OR10A2: variants seen among roughly 807,000 people sequenced by gnomAD.
OR10A2 encodes the protein olfactory receptor family 10 subfamily A member 2.
In OR10A2, 15 loss-of-function variants were observed where a neutral mutation model predicts 13.7. The observed-to-expected ratio is 1.10, with a 90% CI of 0.73 to 1.69. OR10A2 has a LOEUF of 1.69. Among genes scored for constraint, OR10A2 ranks in the 40% most tolerant of loss-of-function variants. The pLI, the probability that OR10A2 is intolerant of heterozygous loss-of-function variation, is 0.00. For synonymous variants in OR10A2, 145 were observed against 144.7 expected (o/e 1.00, Z -0.02); for missense variants, 343 against 361.1 (o/e 0.95, Z 0.41).
chr11:6,870,673 G>A lies in OR10A2; in HGVS notation c.*7G>A. On this transcript the variant is annotated 3_prime_UTR_variant, in exon 2 of 2. Transcript: ENST00000641461. ...CAGAAACTGTATCCCATAGACCTTA[G>A]GAAGTAAGGCTACATTTTACTGGAT... 1 of 1,533,374 alleles carries A rather than the reference G, an allele frequency of 6.5e-7. No homozygotes were observed. Among genetic ancestry groups the A allele is most frequent in the South Asian group, 1.3e-5 (1 of 77,256 alleles). The allele number at this position is 1,533,374 out of a possible 1,614,324, so 95.0% of individuals were successfully genotyped here.
rs2595457 is a variant in OR10A2 at position 6,863,146 on chromosome 11, T to C, written c.-338T>C. 2 of 151,980 alleles carry C rather than the reference T, an allele frequency of 1.3e-5. No homozygotes were observed. The highest frequency in any genetic ancestry group is 2.1e-4 in the South Asian group (1 of 4,824). The allele number at this position is 151,980 out of a possible 1,614,324, so 9.4% of individuals were successfully genotyped here. On this transcript the variant is annotated 5_prime_UTR_variant, in exon 1 of 2. Transcript: ENST00000641461. ...TGGCCAAACTTCATAGTGAGCTTAC[T>C]TGCCTCTGACACACAAGGCAGCAGT...
Position 6,874,475 on chromosome 11 carries a change from C to T in OR10A2, c.*3809C>T, listed in dbSNP as rs77630132. ...TAGAAATTGTGTTGCTTTGTTCTTA[C>T]TACCACCCTGTACTGGATACTGGCT... On this transcript the variant is annotated 3_prime_UTR_variant, in exon 2 of 2. Coordinates refer to ENST00000641461, the MANE Select transcript of OR10A2 (RefSeq NM_001004460.2). 2.6e-5 allele frequency: 4 copies of T among 151,838 alleles called. No homozygotes were observed. The highest frequency in any genetic ancestry group is 9.7e-5 in the African/African-American group (4 of 41,358). 9.4% of individuals were successfully genotyped at this position (151,838 alleles called of 1,614,324 possible).
At chr11:6,863,664 C>T (rs1848359234) in intron 1 of OR10A2, among the ~76,000 whole-genome samples, 1 of 152,130 alleles carries the variant, frequency 6.6e-6, no homozygotes, top group Non-Finnish European at 1.5e-5. Flanking sequence ...AGGACATATA[C>T]CCCCTTCAGG....
chr11:6,869,629 C>T lies in OR10A2; in HGVS notation c.-126C>T, dbSNP rs1239285303. 8.0e-6 allele frequency: 7 copies of T among 871,740 alleles called. No homozygotes were observed. The highest frequency in any genetic ancestry group is 2.1e-5 in the Admixed American group (1 of 47,108). The allele number at this position is 871,740 out of a possible 1,614,324, so 54.0% of individuals were successfully genotyped here. On this transcript the variant is annotated 5_prime_UTR_variant, in exon 2 of 2. In the 5' UTR this introduces an upstream ATG that the reference lacks. Transcript: ENST00000641461. The stretch of plus-strand genomic sequence containing the variant: ...TTGCCTCTTTCCCTGACAGTAAGAA[C>T]GAGTCTGAAAAACAAATTGAGAATC...
rs1384754374 is a variant in OR10A2 at position 6,872,280 on chromosome 11, T to C, written c.*1614T>C. 6.6e-6 allele frequency: 1 copy of C among 152,202 alleles called. No individual in the cohort carries two copies. The highest frequency in any genetic ancestry group is 6.5e-5 in the Admixed American group (1 of 15,278). The allele number at this position is 152,202 out of a possible 1,614,324, so 9.4% of individuals were successfully genotyped here. A position where few individuals can be genotyped will look rare whatever the true frequency, so the allele number is the denominator to read the frequency against. ...TTCACTTTTATTTTAGCCAAATCTA[T>C]CCCATCTCTCAAGACCCCACTGTGA... On this transcript the variant is annotated 3_prime_UTR_variant, in exon 2 of 2. Transcript: ENST00000641461.
At chr11:6,863,660 T>G (rs1848359200) in intron 1 of OR10A2, among the ~76,000 whole-genome samples, 1 of 152,120 alleles carries the variant, frequency 6.6e-6, no homozygotes, top group Non-Finnish European at 1.5e-5. Context: ...TCACAGGACA[T>G]ATACCCCCTT....
intron 1 of OR10A2, among the ~76,000 whole-genome samples, chr11:6,864,535 T>C (rs868346945): frequency 2.6e-5 from 4 of 152,152 alleles, no homozygotes; most frequent in African/African-American, 9.7e-5. Flanking sequence ...AGTAGAAATA[T>C]CTGAATAATT....
rs1848353779 is a variant in OR10A2, at chr11:6,863,200, G to C, written c.-284G>C. The C allele has an allele frequency of 6.6e-6, 1 of 152,140 alleles. No homozygotes were observed. Among genetic ancestry groups the C allele is most frequent in the Non-Finnish European group, 1.5e-5 (1 of 68,038 alleles). 9.4% of individuals were successfully genotyped at this position (152,140 alleles called of 1,614,324 possible). ...CTGGCTACAGCTCCAGCCATTAATA[G>C]CTCAGCCAGGACAGGGAATAAGACT... On this transcript the variant is annotated 5_prime_UTR_variant, in exon 1 of 2. Coordinates refer to ENST00000641461, the MANE Select transcript of OR10A2 (RefSeq NM_001004460.2).
In OR10A2 at chr11:6,872,745, C is replaced by G. The variant is rs1416504087; in HGVS notation, c.*2079C>G. ...TCAAGCAATCCTTCTGCCTGAACCT[C>G]TCAAAGTGCTGGGATTATAAGTGTG... On this transcript the variant is annotated 3_prime_UTR_variant, in exon 2 of 2. Transcript: ENST00000641461. 6.6e-6 allele frequency: 1 copy of G among 152,126 alleles called. No individual in the cohort carries two copies. Among genetic ancestry groups the G allele is most frequent in the Non-Finnish European group, 1.5e-5 (1 of 68,062 alleles). 9.4% of individuals were successfully genotyped at this position (152,126 alleles called of 1,614,324 possible).
At position 6,871,701 on chromosome 11, in the gene OR10A2, G is replaced by C. The variant is rs1315566145; in HGVS notation, c.*1035G>C. The C allele has an allele frequency of 6.6e-5, 10 of 152,108 alleles. No homozygotes were observed. The highest frequency in any genetic ancestry group is 6.6e-4 in the Admixed American group (10 of 15,256). 9.4% of individuals were successfully genotyped at this position (152,108 alleles called of 1,614,324 possible). A position where few individuals can be genotyped will look rare whatever the true frequency, so the allele number is the denominator to read the frequency against. On this transcript the variant is annotated 3_prime_UTR_variant, in exon 2 of 2. Transcript: ENST00000641461. ...ATAGCTTTGCTTTGATGAGAACAAAGCTCCAGAATAAGTCTTCTTTAACCA... is the reference window on the plus strand; with the variant it reads ...ATAGCTTTGCTTTGATGAGAACAAACCTCCAGAATAAGTCTTCTTTAACCA...
chr11:6,870,621 C>T lies in OR10A2; in HGVS notation c.867C>T (p.Ser289=). 1 of 1,610,108 alleles carries T rather than the reference C, an allele frequency of 6.2e-7. No homozygotes were observed. The highest frequency in any genetic ancestry group is 8.5e-7 in the Non-Finnish European group (1 of 1,178,034). The change falls in exon 2 of 2, where the codon AGC becomes AGT. Residue 289 remains serine, a synonymous_variant. Transcript: ENST00000641461. ...ATAACGAGGTGAAGAATGCCCTCAGCAGGACGGTCTCTAAGGCCCTAGCCC... is the reference window on the plus strand; with the variant it reads ...ATAACGAGGTGAAGAATGCCCTCAGTAGGACGGTCTCTAAGGCCCTAGCCC... ...LRNNEVKNAL[S]RTVSKALALR... is the part of the protein sequence containing the mutation.
intron 1 of OR10A2, among the ~76,000 whole-genome samples, chr11:6,867,871 T>A (rs1430374863): frequency 1.3e-5 from 2 of 152,146 alleles, no homozygotes. Flanking sequence ...CACCTCAGCC[T>A]CCTGAGTAGC....
At chr11:6,864,465 T>C (rs1444037380) in intron 1 of OR10A2, among the ~76,000 whole-genome samples, 1 of 151,854 alleles carries the variant, frequency 6.6e-6, no homozygotes, top group African/African-American at 2.4e-5. Context: ...CTTCTTCTTA[T>C]AAAGATGACT....
At chr11:6,868,637 T>C (rs1444100327) in intron 1 of OR10A2, among the ~76,000 whole-genome samples, 7 of 151,976 alleles carry the variant, frequency 4.6e-5, no homozygotes, top group African/African-American at 1.7e-4. Flanking sequence ...TCAGTTCTGG[T>C]TTTTACTGTT....
In OR10A2 at chr11:6,872,420, A is replaced by G. The variant is rs1248409089; in HGVS notation, c.*1754A>G. 6.6e-6 allele frequency: 1 copy of G among 152,206 alleles called. No homozygotes were observed. The highest frequency in any genetic ancestry group is 1.5e-5 in the Non-Finnish European group (1 of 68,038). 9.4% of individuals were successfully genotyped at this position (152,206 alleles called of 1,614,324 possible). ...AAACTGTACATGTACTTATTTTTAC[A>G]TGTTTGTCTTCCTCCAACTTTTCTG... is the stretch of plus-strand genomic sequence containing the variant. On this transcript the variant is annotated 3_prime_UTR_variant, in exon 2 of 2. Coordinates refer to ENST00000641461, the MANE Select transcript of OR10A2 (RefSeq NM_001004460.2).
At chr11:6,864,440 G>T (rs1848364643) in intron 1 of OR10A2, among the ~76,000 whole-genome samples, 1 of 150,236 alleles carries the variant, frequency 6.7e-6, no homozygotes, top group East Asian at 1.9e-4. Context: ...TAGCTTACTT[G>T]GTAAAAACAC....
At position 6,873,578 on chromosome 11, in the gene OR10A2, G is replaced by C. The variant is rs1169742391; in HGVS notation, c.*2912G>C. 1.3e-5 allele frequency: 2 copies of C among 152,200 alleles called. No individual in the cohort carries two copies. The highest frequency in any genetic ancestry group is 4.8e-5 in the African/African-American group (2 of 41,458). The allele number at this position is 152,200 out of a possible 1,614,324, so 9.4% of individuals were successfully genotyped here. A position where few individuals can be genotyped will look rare whatever the true frequency, so the allele number is the denominator to read the frequency against. On this transcript the variant is annotated 3_prime_UTR_variant, in exon 2 of 2. Coordinates refer to ENST00000641461, the MANE Select transcript of OR10A2 (RefSeq NM_001004460.2). ...AAACACAGGAGTGCTGAGAGACTATGATGTGTGTAAGGAACACAAAGCATT... is the reference window on the plus strand; with the variant it reads ...AAACACAGGAGTGCTGAGAGACTATCATGTGTGTAAGGAACACAAAGCATT...
rs11041071 is a variant in OR10A2, at chr11:6,872,898, C to T, written c.*2232C>T. On this transcript the variant is annotated 3_prime_UTR_variant, in exon 2 of 2. Coordinates refer to ENST00000641461, the MANE Select transcript of OR10A2 (RefSeq NM_001004460.2). ...GCAATGGCACAATCTTGGCTCACTG[C>T]AACTTCTGCCTTCTGGGTTCAATCA... 48,829 of 149,964 alleles carry T rather than the reference C, an allele frequency of 0.33. 8,488 individuals are homozygous for T. The highest frequency in any genetic ancestry group is 0.41 in the South Asian group (1,947 of 4,744). 9.3% of individuals were successfully genotyped at this position (149,964 alleles called of 1,614,324 possible).
In OR10A2 at chr11:6,869,650, G is replaced by A. The variant is rs561191729; in HGVS notation, c.-105G>A. The A allele has an allele frequency of 7.0e-5, 72 of 1,026,222 alleles. No individual in the cohort carries two copies. The highest frequency in any genetic ancestry group is 1.0e-4 in the Non-Finnish European group (69 of 681,400). The allele number at this position is 1,026,222 out of a possible 1,614,324, so 63.6% of individuals were successfully genotyped here. On this transcript the variant is annotated 5_prime_UTR_variant, in exon 2 of 2. Transcript: ENST00000641461. Reference sequence around the variant, plus strand: ...AGAACGAGTCTGAAAAACAAATTGAGAATCTGACTTCCAATCAATAATCTT... The same window carrying A: ...AGAACGAGTCTGAAAAACAAATTGAAAATCTGACTTCCAATCAATAATCTT...
Sources: gnomAD v4.1 joint callset for allele counts (sites outside exome capture counted in the v4.1 genomes callset) on GRCh38, gnomAD v4.1.1 for gene constraint, MANE v1.5 for transcripts, NCBI Gene and HGNC (gene_info 2026-07-23, HGNC 2026-07-21) for gene names.